RALYL: variants seen among roughly 807,000 people sequenced by gnomAD.
RALYL encodes the protein RNA-binding Raly-like protein.
A neutral mutation model predicts 35.1 loss-of-function variants in RALYL; 29 were observed. The ratio of observed to expected loss-of-function variants is 0.83; its 90% CI spans 0.61 to 1.13. The LOEUF (loss-of-function observed/expected upper bound fraction) is 1.13. Ranked by LOEUF, RALYL falls within the 50% of genes most tolerant of loss-of-function variation. RALYL has a pLI of 0.00. For missense variants in RALYL, 359 were observed against 360.4 expected (o/e 1.00, Z 0.03); for synonymous variants, 120 against 127.6 (o/e 0.94, Z 0.40).
chr8:84,734,729 A>G (rs897550434), intron 2 of RALYL, among the ~76,000 whole-genome samples: 1 of 152,114 alleles, frequency 6.6e-6, no homozygotes, highest in Non-Finnish European at 1.5e-5. Flanking sequence ...AATAGGAAAA[A>G]AAATCTATGA....
intron 1 of RALYL, among the ~76,000 whole-genome samples, chr8:84,484,106 G>C (rs1016967326): frequency 4.6e-5 from 7 of 152,078 alleles, no homozygotes; most frequent in Non-Finnish European, 7.4e-5. Flanking sequence ...CAAGAGAAAA[G>C]GGTTCAATAA....
At chr8:84,498,943 C>T (rs1451723701) in intron 1 of RALYL, among the ~76,000 whole-genome samples, 2 of 151,826 alleles carry the variant, frequency 1.3e-5, no homozygotes, top group Admixed American at 1.3e-4. Context: ...TCCTATTTAT[C>T]CAAGGAAATA....
chr8:84,666,751 C>T (rs550526499), intron 2 of RALYL, among the ~76,000 whole-genome samples: 1 of 152,180 alleles, frequency 6.6e-6, no homozygotes, highest in East Asian at 1.9e-4. Flanking sequence ...CTGCAGTCCT[C>T]TTGCTTCATA....
intron 2 of RALYL, among the ~76,000 whole-genome samples, chr8:84,539,328 A>C (rs1233924356): frequency 6.6e-6 from 1 of 152,196 alleles, no homozygotes; most frequent in Non-Finnish European, 1.5e-5. Flanking sequence ...AAAACCTAAA[A>C]GAAGGCAAAA....
intron 1 of RALYL, among the ~76,000 whole-genome samples, chr8:84,232,864 A>G: frequency 6.6e-6 from 1 of 152,186 alleles, no homozygotes; most frequent in African/African-American, 2.4e-5. Context: ...TTTTAATAAT[A>G]TAATAAAACA....
intron 1 of RALYL, among the ~76,000 whole-genome samples, chr8:84,213,533 T>C (rs1353894494): frequency 1.3e-5 from 2 of 152,244 alleles, no homozygotes; most frequent in Non-Finnish European, 2.9e-5. Context: ...TTAAAATTCT[T>C]ATCTTTTAAA....
chr8:84,907,576 A>C (rs1846745968), intron 8 of RALYL, among the ~76,000 whole-genome samples: 1 of 152,116 alleles, frequency 6.6e-6, no homozygotes, highest in South Asian at 2.1e-4. Flanking sequence ...AAGAGGCAGA[A>C]TCAACCTGCA....
chr8:84,757,467 T>A (rs1271036494), intron 2 of RALYL, among the ~76,000 whole-genome samples: 1 of 152,190 alleles, frequency 6.6e-6, no homozygotes, highest in Non-Finnish European at 1.5e-5. Context: ...CTTATATTCA[T>A]ACATGGAGGA....
At chr8:84,215,873 G>A (rs10112043) in intron 1 of RALYL, among the ~76,000 whole-genome samples, 44,762 of 151,676 alleles carry the variant, frequency 0.3, 7,204 homozygotes, top group African/African-American at 0.43. Context: ...AAACAACAAC[G>A]AATGCTACAA....
chr8:84,892,542 G>A (rs1844035355), intron 8 of RALYL, among the ~76,000 whole-genome samples: 1 of 151,674 alleles, frequency 6.6e-6, no homozygotes, highest in Non-Finnish European at 1.5e-5. Flanking sequence ...CCCAAGAGAC[G>A]GGGGTTGTTG....
chr8:84,225,165 A>C (rs1326304826), intron 1 of RALYL, among the ~76,000 whole-genome samples: 1 of 152,146 alleles, frequency 6.6e-6, no homozygotes, highest in Non-Finnish European at 1.5e-5. Context: ...TCTGATACAG[A>C]AGCCTTAAGA....
Position 84,448,065 on chromosome 8 carries a change from C to T in RALYL, c.-23-81234C>T, listed in dbSNP as rs185454378. On this transcript the variant is annotated intron_variant, in intron 1 of 8. Transcript: ENST00000521268. ...TTGTTTACTAGATCATTTGTCATAACATATAGTTAAATTTATACATGAGTG... is the reference window on the plus strand; with the variant it reads ...TTGTTTACTAGATCATTTGTCATAATATATAGTTAAATTTATACATGAGTG... Among the ~76,000 whole-genome samples, 486 of 152,066 alleles carry T rather than the reference C, an allele frequency of 3.2e-3. 3 individuals are homozygous for T. Among genetic ancestry groups the T allele is most frequent in the African/African-American group, 0.011 (460 of 41,502 alleles).
At chr8:84,504,573 T>C (rs535483202) in intron 1 of RALYL, among the ~76,000 whole-genome samples, 27 of 152,266 alleles carry the variant, frequency 1.8e-4, no homozygotes, top group African/African-American at 6.0e-4. Flanking sequence ...GTTTCCATGG[T>C]GGTTACATAG....
Position 84,383,344 on chromosome 8 carries a change from G to C in RALYL, c.-23-145955G>C, listed in dbSNP as rs181250711. On this transcript the variant is annotated intron_variant, in intron 1 of 8. Transcript: ENST00000521268. ...AATCAGACTCCTGGAAGTGACAGTT[G>C]AGTAAAGCTTACAAAAAGAAATATT... is the stretch of plus-strand genomic sequence containing the variant. Among the ~76,000 whole-genome samples the C allele has an allele frequency of 3.0e-3, 460 of 151,768 alleles. 2 individuals are homozygous for C. The highest frequency in any genetic ancestry group is 6.8e-3 in the Middle Eastern group (2 of 294).
chr8:84,517,344 G>C (rs1361410234), intron 1 of RALYL, among the ~76,000 whole-genome samples: 4 of 152,136 alleles, frequency 2.6e-5, no homozygotes, highest in Non-Finnish European at 5.9e-5. Context: ...CCAAAGGCTA[G>C]GTCATAATAC....
At chr8:84,718,799 G>A (rs934811535) in intron 2 of RALYL, among the ~76,000 whole-genome samples, 4 of 151,728 alleles carry the variant, frequency 2.6e-5, no homozygotes, top group Non-Finnish European at 5.9e-5. Context: ...GAAAATAAAC[G>A]TCTAATTTTA....
chr8:84,767,554 TAGAG>T (rs1814413867), intron 2 of RALYL, among the ~76,000 whole-genome samples: 1 of 152,132 alleles, frequency 6.6e-6, no homozygotes, highest in African/African-American at 2.4e-5. Context: ...ATTCTCTGCT[TAGAG>T]AGAATCATGA....
At chr8:84,874,279 A>G (rs1840727915) in intron 7 of RALYL, among the ~76,000 whole-genome samples, 1 of 152,128 alleles carries the variant, frequency 6.6e-6, no homozygotes, top group Non-Finnish European at 1.5e-5. Flanking sequence ...TTTCTTATAA[A>G]ATAAATAAAT....
In RALYL at chr8:84,326,897, G is replaced by T. The variant is rs1030744495; in HGVS notation, c.-24+142473G>T. 5.3e-5 allele frequency among the ~76,000 whole-genome samples: 8 copies of T among 152,152 alleles called. No homozygotes were observed. In the East Asian group the frequency reaches 1.5e-3, roughly 29 times the overall value. On this transcript the variant is annotated intron_variant, in intron 1 of 8. Coordinates refer to ENST00000521268, the MANE Select transcript of RALYL (RefSeq NM_173848.7). The stretch of plus-strand genomic sequence containing the variant: ...GATTTTAAATGTAGACTTTATTCTA[G>T]GCATCCATGTACTTGTCTTGAAATA...
Sources: allele counts gnomAD v4.1 joint callset (sites outside exome capture counted in the v4.1 genomes callset), GRCh38; gene constraint gnomAD v4.1.1; transcripts MANE v1.5; gene names NCBI Gene and HGNC (gene_info 2026-07-23, HGNC 2026-07-21).